The following SVEP1 variants were observed in gnomAD, a reference collection of about 807,000 sequenced individuals.
The protein encoded by SVEP1 is sushi, von Willebrand factor type A, EGF and pentraxin domain containing 1.
SVEP1 carries 164 observed loss-of-function variants against 367.3 expected under a neutral mutation model. That is an observed-to-expected ratio of 0.45 (90% CI 0.39 to 0.51). SVEP1 has a LOEUF of 0.51. Ranked by LOEUF, SVEP1 falls within the 20% of genes least tolerant of loss-of-function variation. The probability of loss-of-function intolerance (pLI) is 0.00; values close to 1 mark genes in which losing one functional copy is unlikely to be tolerated. For synonymous variants in SVEP1, 1,666 were observed against 1,611.6 expected, an observed-to-expected ratio of 1.03 and a Z score of -0.81; for missense variants, 4,117 against 4,425.3, an observed-to-expected ratio of 0.93 and a Z score of 1.98.
intron 8 of SVEP1, among the ~76,000 whole-genome samples, chr9:110,494,110 T>A (rs1334524030): frequency 6.6e-6 from 1 of 152,240 alleles, no homozygotes; most frequent in Admixed American, 6.5e-5. Context: ...TCCTCCCATC[T>A]CACAGTCCTT....
At chr9:110,515,039 A>G (rs1458601252) in intron 3 of SVEP1, among the ~76,000 whole-genome samples, 1 of 152,242 alleles carries the variant, frequency 6.6e-6, no homozygotes, top group East Asian at 1.9e-4. Context: ...TGGAAAAAAA[A>G]GATTAAAAGC....
chr9:110,518,260 T>C (rs1429153937), intron 3 of SVEP1, among the ~76,000 whole-genome samples: 1 of 151,840 alleles, frequency 6.6e-6, no homozygotes, highest in Non-Finnish European at 1.5e-5. Context: ...CCGTCTCTAC[T>C]AAAAATACAA....
Position 110,407,741 on chromosome 9 carries a change from T to C in SVEP1, c.7859A>G (p.Asp2620Gly), listed in dbSNP as rs1203892241. 1.9e-6 allele frequency: 3 copies of C among 1,613,840 alleles called. No homozygotes were observed. The highest frequency in any genetic ancestry group is 2.5e-6 in the Non-Finnish European group (3 of 1,179,900). The change falls in exon 38 of 48, where the codon GAT becomes GGT. Residue 2620 changes from aspartate to glycine, a missense_variant. By Grantham distance (94) the Asp-to-Gly change is moderately conservative (BLOSUM62 -1). Coordinates refer to ENST00000374469, the MANE Select transcript of SVEP1 (RefSeq NM_153366.4). ...TTTGAGTTTAGTACAGTCTCCAAAA[T>C]CTATATGAGGAGGGAGGCCACAGTC... is the stretch of plus-strand genomic sequence containing the variant. ...PIDCGLPPHIDFGDCTKLKDD... is the reference protein window; with the variant it reads ...PIDCGLPPHIGFGDCTKLKDD...
rs1370486079 is a variant in SVEP1 at position 110,406,947 on chromosome 9, C to T, written c.8653G>A (p.Asp2885Asn). 31 of 1,613,722 alleles carry T rather than the reference C, an allele frequency of 1.9e-5. No homozygotes were observed. The highest frequency in any genetic ancestry group is 4.0e-5 in the African/African-American group (3 of 74,926). Residue 2885 changes from aspartate (D) to asparagine (N), a missense_variant, in exon 38 of 48, where the codon GAC becomes AAC. Around this residue, in one of 4 missense-constraint regions of SVEP1, gnomAD observed 1,765 missense variants for 1,781.1 expected, o/e 0.99. Transcript: ENST00000374469. The part of the protein sequence containing the change: ...ANGSWSGATP[D>N]CVPVRCATPP... ...GTGGCACATCTGACAGGCACACAGT[C>T]GGGAGTGGCTCCACTCCAACTTCCA... is the stretch of plus-strand genomic sequence containing the variant.
At chr9:110,547,918 T>C (rs1013613708) in intron 2 of SVEP1, among the ~76,000 whole-genome samples, 3 of 152,194 alleles carry the variant, frequency 2.0e-5, no homozygotes, top group African/African-American at 7.2e-5. Flanking sequence ...GTAATAAATG[T>C]GGTGTCTCCT....
chr9:110,486,593 C>T (rs78222963), intron 9 of SVEP1, among the ~76,000 whole-genome samples: 4 of 151,536 alleles, frequency 2.6e-5, no homozygotes, highest in African/African-American at 7.3e-5. Flanking sequence ...CTCTGCTTCT[C>T]CTTCCTTCTT....
At chr9:110,465,818 G>T (rs10980401) in intron 18 of SVEP1, 47 bp downstream of exon 18, 280,850 of 1,579,188 alleles carry the variant, frequency 0.18, 28,138 homozygotes, top group East Asian at 0.43. Context: ...TTCATGCATA[G>T]AACCTAGTAG....
At chr9:110,411,041 C>T (rs1828036064) in intron 37 of SVEP1, 22 bp downstream of exon 37, 4 of 1,529,542 alleles carry the variant, frequency 2.6e-6, no homozygotes, top group Non-Finnish European at 2.6e-6. Context: ...AGCCACAGAC[C>T]ATTTGCTAAT....
At position 110,429,261 on chromosome 9, in the gene SVEP1, G is replaced by C; in HGVS notation, c.5689C>G (p.Pro1897Ala). 1 of 1,596,912 alleles carries C rather than the reference G, an allele frequency of 6.3e-7. No homozygotes were observed. The highest frequency in any genetic ancestry group is 8.5e-7 in the Non-Finnish European group (1 of 1,171,234). The change falls in exon 35 of 48, where the codon CCT (proline) becomes GCT (alanine). Residue 1897 changes from proline to alanine, a missense_variant. Transcript: ENST00000374469. ...CACTTCACTGGTTCACACACAGGAG[G>C]GGAATGACTCCAAGAACTGTTAGCA... ...CLANSSWSHS[P>A]PVCEPVKCSS...
chr9:110,405,438 C>A (rs954798871), intron 38 of SVEP1, among the ~76,000 whole-genome samples: 30 of 151,406 alleles, frequency 2.0e-4, no homozygotes, highest in African/African-American at 7.0e-4. Context: ...ATTATGAATA[C>A]CTACGTGGAC....
chr9:110,502,234 C>G (rs903372650), intron 6 of SVEP1, among the ~76,000 whole-genome samples: 1 of 151,254 alleles, frequency 6.6e-6, no homozygotes. Context: ...TCCTGAGTAG[C>G]TGGGATTACA....
intron 40 of SVEP1, 42 bp from the exon 41 acceptor site, chr9:110,389,629 C>T (rs1448539928): frequency 3.7e-6 from 6 of 1,605,010 alleles, no homozygotes; most frequent in East Asian, 4.5e-5. Context: ...CATAACTCTA[C>T]AATAGAAAGA....
At chr9:110,391,271 CTTTT>C (rs35309188) in intron 40 of SVEP1, among the ~76,000 whole-genome samples, 4 of 125,226 alleles carry the variant, frequency 3.2e-5, no homozygotes, top group Middle Eastern at 4.1e-3. Context: ...TACTTTTTGT[CTTTT>C]TTTTTTTTTT....
intron 3 of SVEP1, among the ~76,000 whole-genome samples, chr9:110,521,269 T>C (rs922997061): frequency 6.6e-6 from 1 of 152,214 alleles, no homozygotes; most frequent in Non-Finnish European, 1.5e-5. Context: ...TATACATCTG[T>C]ACCTCTGTAG....
chr9:110,493,819 G>T (rs911637070), intron 8 of SVEP1, among the ~76,000 whole-genome samples: 2 of 152,164 alleles, frequency 1.3e-5, no homozygotes, highest in Non-Finnish European at 2.9e-5. Flanking sequence ...ACACTGATGG[G>T]TCTTACAGGG....
intron 2 of SVEP1, among the ~76,000 whole-genome samples, chr9:110,546,977 G>A (rs1588102985): frequency 6.6e-6 from 1 of 152,148 alleles, no homozygotes; most frequent in Admixed American, 6.5e-5. Context: ...TTCTTTTCAA[G>A]AAGTTTGAAA....
intron 38 of SVEP1, among the ~76,000 whole-genome samples, chr9:110,405,665 A>G (rs1827942892): frequency 6.6e-6 from 1 of 152,196 alleles, no homozygotes; most frequent in African/African-American, 2.4e-5. Flanking sequence ...TATTATGAAT[A>G]CCTACTTTGT....
At chr9:110,533,212 T>G (rs1343344138) in intron 3 of SVEP1, among the ~76,000 whole-genome samples, 1 of 152,136 alleles carries the variant, frequency 6.6e-6, no homozygotes, top group African/African-American at 2.4e-5. Flanking sequence ...GGCCCAGAGG[T>G]TGGGAACTCC....
At chr9:110,541,826 T>G (rs1014193436) in intron 3 of SVEP1, among the ~76,000 whole-genome samples, 24 of 142,182 alleles carry the variant, frequency 1.7e-4, no homozygotes, top group Admixed American at 6.4e-4. Flanking sequence ...GATATCTATA[T>G]ATATCTATAT....
Sources: gnomAD v4.1 joint callset for allele counts (sites outside exome capture counted in the v4.1 genomes callset) on GRCh38, gnomAD v4.1.1 for gene constraint, gnomAD v4.1.1 regional missense constraint, MANE v1.5 for transcripts, NCBI Gene and HGNC (gene_info 2026-07-23, HGNC 2026-07-21) for gene names.